Variants in TTC28 observed in about 807,000 individuals in gnomAD.
TTC28 encodes tetratricopeptide repeat domain 28.
TTC28 carries 61 observed loss-of-function variants against 198.0 expected under a neutral mutation model. That is an observed-to-expected ratio of 0.31 (90% confidence interval 0.25 to 0.38). The LOEUF is 0.38. TTC28 is among the 10% of genes least tolerant of loss of function. The pLI, the probability that TTC28 is intolerant of heterozygous loss-of-function variation, is 1.00. For synonymous variants in TTC28, 1,171 were observed against 1,297.8 expected (o/e 0.90, Z 2.10); for missense variants, 2,678 against 3,164.0 (o/e 0.85, Z 3.69).
chr22:28,116,768 C>A (rs1377877341), intron 6 of TTC28, among the ~76,000 whole-genome samples: 1 of 152,222 alleles, frequency 6.6e-6, no homozygotes, highest in Non-Finnish European at 1.5e-5. Flanking sequence ...TGAACCAGTA[C>A]CATCTCCTTG....
chr22:28,160,088 G>T (rs545348324), intron 6 of TTC28, among the ~76,000 whole-genome samples: 1 of 152,186 alleles, frequency 6.6e-6, no homozygotes, highest in African/African-American at 2.4e-5. Flanking sequence ...GCAGGGAGAG[G>T]TGGGAATGGC....
intron 1 of TTC28, among the ~76,000 whole-genome samples, chr22:28,647,125 A>G (rs963386002): frequency 2.0e-5 from 3 of 152,126 alleles, no homozygotes; most frequent in African/African-American, 4.8e-5. Flanking sequence ...AAAAACAAAA[A>G]CTGGGGAAGA....
chr22:28,335,886 G>C (rs1386507598), intron 2 of TTC28, among the ~76,000 whole-genome samples: 1 of 152,204 alleles, frequency 6.6e-6, no homozygotes, highest in Non-Finnish European at 1.5e-5. Context: ...TTGAATAGGA[G>C]TGGTGAGAGA....
intron 1 of TTC28, among the ~76,000 whole-genome samples, chr22:28,644,658 C>G (rs1442890793): frequency 2.0e-5 from 3 of 152,008 alleles, no homozygotes; most frequent in Non-Finnish European, 2.9e-5. Context: ...AACCCCATCT[C>G]TACTAAAAAT....
At chr22:28,608,326 C>T (rs767884147) in intron 2 of TTC28, among the ~76,000 whole-genome samples, 6 of 152,174 alleles carry the variant, frequency 3.9e-5, no homozygotes, top group Admixed American at 1.3e-4. Flanking sequence ...AAAATTACCA[C>T]TATTTGACCT....
At chr22:28,565,141 A>G (rs2049950434) in intron 2 of TTC28, among the ~76,000 whole-genome samples, 1 of 151,924 alleles carries the variant, frequency 6.6e-6, no homozygotes, top group African/African-American at 2.4e-5. Flanking sequence ...AATAATCTAC[A>G]GCAGAAACCA....
intron 2 of TTC28, among the ~76,000 whole-genome samples, chr22:28,376,455 A>G (rs2046410233): frequency 6.6e-6 from 1 of 152,216 alleles, no homozygotes; most frequent in Non-Finnish European, 1.5e-5. Context: ...TAACTTACTT[A>G]AATTCTGCTT....
intron 2 of TTC28, among the ~76,000 whole-genome samples, chr22:28,588,293 T>C (rs1055920390): frequency 6.6e-6 from 1 of 152,242 alleles, no homozygotes; most frequent in Non-Finnish European, 1.5e-5. Context: ...TTAAATGTCA[T>C]TTAAGCTTGG....
chr22:28,552,847 G>T (rs2049704934), intron 2 of TTC28, among the ~76,000 whole-genome samples: 1 of 150,488 alleles, frequency 6.6e-6, no homozygotes, highest in Admixed American at 6.6e-5. Flanking sequence ...GCCAAAGCTG[G>T]ACTGTACTGC....
rs57349023 is a variant in TTC28, at chr22:28,326,975, AACACACACAC to A, written c.382-20342_382-20333del. Among the ~76,000 whole-genome samples the A allele has an allele frequency of 6.3e-3, 897 of 142,884 alleles. 6 individuals are homozygous for A. The highest frequency in any genetic ancestry group is 0.015 in the African/African-American group (570 of 37,388). 93.7% of individuals were successfully genotyped at this position (142,884 alleles called of 152,430 possible). On this transcript the variant is annotated intron_variant, in intron 2 of 22. Transcript: ENST00000397906. ...TCAATGAAAAGCATACACAAACACA[AACACACACAC>A]ACACACACACACACACACACACACA...
chr22:28,507,232 G>A (rs1481573313), intron 2 of TTC28, among the ~76,000 whole-genome samples: 1 of 152,148 alleles, frequency 6.6e-6, no homozygotes, highest in Non-Finnish European at 1.5e-5. Context: ...GATGGAGTGA[G>A]CTGAAAAACA....
At chr22:28,363,178 C>T (rs1004650166) in intron 2 of TTC28, among the ~76,000 whole-genome samples, 6 of 152,092 alleles carry the variant, frequency 3.9e-5, no homozygotes, top group Non-Finnish European at 7.4e-5. Flanking sequence ...TTTCATGGGC[C>T]GGACCCAGGG....
At chr22:28,385,290 T>C (rs962245311) in intron 2 of TTC28, among the ~76,000 whole-genome samples, 4 of 150,092 alleles carry the variant, frequency 2.7e-5, no homozygotes, top group Non-Finnish European at 5.9e-5. Flanking sequence ...TGGAGTGCAA[T>C]GGCGCAATCT....
chr22:28,234,536 C>A (rs1162294844), intron 5 of TTC28, among the ~76,000 whole-genome samples: 1 of 151,548 alleles, frequency 6.6e-6, no homozygotes, highest in African/African-American at 2.4e-5. Context: ...CCACACCCAG[C>A]TAATTTATGT....
intron 2 of TTC28, among the ~76,000 whole-genome samples, chr22:28,581,788 T>C (rs1569039034): frequency 2.6e-5 from 4 of 152,208 alleles, no homozygotes; most frequent in South Asian, 4.1e-4. Context: ...TTTTGTAATA[T>C]GGCTTTTTTC....
At chr22:28,337,068 T>C (rs1401074011) in intron 2 of TTC28, among the ~76,000 whole-genome samples, 1 of 152,198 alleles carries the variant, frequency 6.6e-6, no homozygotes, top group African/African-American at 2.4e-5. Context: ...TCAAAGAACA[T>C]CTTTATTTCT....
At chr22:28,238,204 A>G (rs1929389428) in intron 5 of TTC28, among the ~76,000 whole-genome samples, 1 of 152,102 alleles carries the variant, frequency 6.6e-6, no homozygotes, top group Admixed American at 6.6e-5. Context: ...TGGGAATTCA[A>G]TTACATATAT....
At chr22:28,517,962 C>T (rs73430118) in intron 2 of TTC28, among the ~76,000 whole-genome samples, 20,619 of 151,378 alleles carry the variant, frequency 0.14, 1,649 homozygotes, top group African/African-American at 0.2. Context: ...TTTTTTTACA[C>T]TCAAGGTCCC....
intron 2 of TTC28, among the ~76,000 whole-genome samples, chr22:28,423,058 A>G (rs1408793206): frequency 2.6e-5 from 4 of 152,146 alleles, no homozygotes; most frequent in Non-Finnish European, 5.9e-5. Flanking sequence ...TTAACAGTCA[A>G]AAACTACTGT....
Sources: allele counts gnomAD v4.1 joint callset (sites outside exome capture counted in the v4.1 genomes callset), GRCh38; gene constraint gnomAD v4.1.1; transcripts MANE v1.5; gene names NCBI Gene and HGNC (gene_info 2026-07-23, HGNC 2026-07-21).